Variants in PALLD observed in about 807,000 individuals in gnomAD.
PALLD encodes the protein palladin.
Under a neutral mutation model 123.5 loss-of-function variants are expected in PALLD, and 61 were observed. That is an observed-to-expected ratio of 0.49 (90% CI 0.40 to 0.61). The LOEUF is 0.61. Among genes scored for constraint, PALLD ranks in the 20% least tolerant of loss-of-function variants. The pLI, the probability that PALLD is intolerant of heterozygous loss-of-function variation, is 0.00. For missense variants in PALLD, 1,273 were observed against 1,377.0 expected (o/e 0.92, Z 1.20); for synonymous variants, 465 against 496.4 (o/e 0.94, Z 0.84).
intron 10 of PALLD, among the ~76,000 whole-genome samples, chr4:168,769,732 G>A (rs1237845506): frequency 1.3e-5 from 2 of 152,208 alleles, no homozygotes; most frequent in Non-Finnish European, 2.9e-5. Context: ...AAATCTCAAG[G>A]AGAGCAGGAA....
chr4:168,888,121 T>C (rs1428778672), intron 10 of PALLD, among the ~76,000 whole-genome samples: 1 of 152,122 alleles, frequency 6.6e-6, no homozygotes, highest in African/African-American at 2.4e-5. Flanking sequence ...TAGCAAACTA[T>C]GCACGTGTTT....
chr4:168,719,418 T>A (rs904911486), intron 10 of PALLD, among the ~76,000 whole-genome samples: 1 of 151,788 alleles, frequency 6.6e-6, no homozygotes, highest in Non-Finnish European at 1.5e-5. Context: ...CCACCTTGCC[T>A]GGCTAATTTT....
At chr4:168,672,942 G>A (rs890040966) in intron 3 of PALLD, among the ~76,000 whole-genome samples, 1 of 152,154 alleles carries the variant, frequency 6.6e-6, no homozygotes, top group Non-Finnish European at 1.5e-5. Flanking sequence ...CCTAGGCAGT[G>A]TGACTCCTGA....
intron 10 of PALLD, among the ~76,000 whole-genome samples, chr4:168,798,459 A>G (rs1267791382): frequency 6.6e-6 from 1 of 152,202 alleles, no homozygotes; most frequent in African/African-American, 2.4e-5. Flanking sequence ...CATTAGAAAA[A>G]AAGCTTCTTA....
chr4:168,774,585 G>T lies in PALLD; in HGVS notation c.1964+62662G>T, dbSNP rs577217929. On this transcript the variant is annotated intron_variant, in intron 10 of 21. Transcript: ENST00000505667. ...TCTACCGAAAATACAAAAATTAGCC[G>T]AGTGTGGCGGTGCACACCTGTAGTC... 4.6e-5 allele frequency among the ~76,000 whole-genome samples: 7 copies of T among 151,832 alleles called. No individual in the cohort carries two copies. In the South Asian group the frequency reaches 1.5e-3, roughly 32 times the overall value.
At chr4:168,584,708 C>G (rs1461809442) in intron 2 of PALLD, among the ~76,000 whole-genome samples, 1 of 152,148 alleles carries the variant, frequency 6.6e-6, no homozygotes, top group African/African-American at 2.4e-5. Flanking sequence ...TTTAGTTTCA[C>G]CCAGCCGTGT....
chr4:168,735,325 C>T (rs1000059939), intron 10 of PALLD, among the ~76,000 whole-genome samples: 1 of 152,122 alleles, frequency 6.6e-6, no homozygotes, highest in African/African-American at 2.4e-5. Flanking sequence ...CAGTATATCC[C>T]CCAAACAGCA....
chr4:168,791,832 A>G (rs1478325884), intron 10 of PALLD, among the ~76,000 whole-genome samples: 1 of 152,166 alleles, frequency 6.6e-6, no homozygotes, highest in Non-Finnish European at 1.5e-5. Context: ...GATACTTTAG[A>G]TATTTCCTTA....
chr4:168,674,162 A>G (rs889149353), intron 3 of PALLD, among the ~76,000 whole-genome samples: 2 of 152,040 alleles, frequency 1.3e-5, no homozygotes, highest in Non-Finnish European at 2.9e-5. Context: ...TGATCCGCCC[A>G]CCTTGGCCTC....
intron 10 of PALLD, among the ~76,000 whole-genome samples, chr4:168,749,471 C>T (rs1730748675): frequency 6.6e-6 from 1 of 151,964 alleles, no homozygotes. Context: ...CTTTGGGAGG[C>T]CGAGGCAGTT....
chr4:168,685,397 G>C (rs922890832), intron 5 of PALLD, 88 bp from the exon 6 acceptor site: 40 of 840,522 alleles, frequency 4.8e-5, no homozygotes, highest in Non-Finnish European at 2.5e-5. Context: ...CTTCAAGTGG[G>C]TGATCCCCAT....
In PALLD at chr4:168,711,874, C is replaced by G. The variant is rs1784869001; in HGVS notation, c.1915C>G (p.Leu639Val). The change falls in exon 10 of 22, where the codon CTG (leucine) becomes GTG (valine). Residue 639 changes from leucine (L) to valine (V), a missense_variant. Physicochemically the swap from Leu to Val is conservative, Grantham distance 32. This residue lies in a region of PALLD where 944 missense variants were observed against 954.5 expected (regional missense o/e 0.99). Transcript: ENST00000505667. ...TAAATCTCTTCCAACACCAGCTGTC[C>G]TGCTTTCACCCACTAAGGAGCCACC... is the stretch of plus-strand genomic sequence containing the variant. ...SNKSLPTPAV[L>V]LSPTKEPPPL... 3.7e-6 allele frequency: 6 copies of G among 1,614,128 alleles called. No individual in the cohort carries two copies. Among genetic ancestry groups the G allele is most frequent in the Non-Finnish European group, 4.2e-6 (5 of 1,180,018 alleles).
chr4:168,708,987 G>A, intron 8 of PALLD, 41 bp from the exon 9 acceptor site: 1 of 1,605,266 alleles, frequency 6.2e-7, no homozygotes, highest in East Asian at 2.2e-5. Flanking sequence ...GTGACTTCAT[G>A]GTTCAACTCT....
intron 3 of PALLD, among the ~76,000 whole-genome samples, chr4:168,680,481 C>CAAAAA (rs571607157): frequency 1.2e-4 from 7 of 59,170 alleles, no homozygotes; most frequent in African/African-American, 3.8e-4. Context: ...GATTCCGTCT[C>CAAAAA]AAAAAAAAAA....
chr4:168,658,370 G>A (rs1351712919), intron 2 of PALLD, among the ~76,000 whole-genome samples: 3 of 143,990 alleles, frequency 2.1e-5, no homozygotes, highest in Non-Finnish European at 4.5e-5. Context: ...CTGCTGCCTC[G>A]AATTCCTGGG....
At chr4:168,540,997 C>T (rs556060690) in intron 2 of PALLD, among the ~76,000 whole-genome samples, 79 of 152,274 alleles carry the variant, frequency 5.2e-4, no homozygotes, top group South Asian at 1.2e-3. Flanking sequence ...ATCATGGAGA[C>T]GGTAGTTAGT....
At chr4:168,507,568 C>T (rs1171910411) in intron 1 of PALLD, 1 of 202,066 alleles carries the variant, frequency 4.9e-6, no homozygotes, top group Non-Finnish European at 1.0e-5. Flanking sequence ...AAACGTGAAA[C>T]CATGATAAAT....
Position 168,818,460 on chromosome 4 carries a change from C to T in PALLD, c.1965-72462C>T, listed in dbSNP as rs111957334. Among the ~76,000 whole-genome samples the T allele has an allele frequency of 3.7e-3, 561 of 152,216 alleles. 4 individuals are homozygous for T. The highest frequency in any genetic ancestry group is 0.013 in the African/African-American group (530 of 41,540). ...AAAAAAATATTTCGAAAAAGCCAGA[C>T]GTGGCGGTGCACACCTGTAGTCTTA... On this transcript the variant is annotated intron_variant, in intron 10 of 21. Transcript: ENST00000505667.
chr4:168,749,951 C>CT (rs796821239), intron 10 of PALLD, among the ~76,000 whole-genome samples: 5,072 of 141,490 alleles, frequency 0.036, 277 homozygotes, highest in African/African-American at 0.11. Flanking sequence ...TTAGTTTCCA[C>CT]TTTTTTTTTT....
Sources: allele counts gnomAD v4.1 joint callset (sites outside exome capture counted in the v4.1 genomes callset), GRCh38; gene constraint gnomAD v4.1.1; regional missense constraint gnomAD v4.1.1; transcripts MANE v1.5; gene names NCBI Gene and HGNC (gene_info 2026-07-23, HGNC 2026-07-21).